THSD7A: variants seen among roughly 807,000 people sequenced by gnomAD.
The protein encoded by THSD7A is thrombospondin type-1 domain-containing protein 7A.
Under a neutral mutation model 231.3 loss-of-function variants are expected in THSD7A, and 96 were observed. The observed-to-expected ratio is 0.41, with a 90% CI of 0.35 to 0.49. The LOEUF is 0.49. THSD7A is among the 20% of genes least tolerant of loss of function. The pLI, the probability that THSD7A is intolerant of heterozygous loss-of-function variation, is 0.05. For synonymous variants in THSD7A, 940 were observed against 743.3 expected, an observed-to-expected ratio of 1.26 and a Z score of -4.30; for missense variants, 2,290 against 2,070.2, an observed-to-expected ratio of 1.11 and a Z score of -2.06.
At chr7:11,527,698 TA>T (rs1788536603) in intron 6 of THSD7A, among the ~76,000 whole-genome samples, 1 of 152,246 alleles carries the variant, frequency 6.6e-6, no homozygotes, top group Admixed American at 6.5e-5. Flanking sequence ...AATAGTTGGT[TA>T]GGGGTAAATT....
intron 2 of THSD7A, among the ~76,000 whole-genome samples, chr7:11,633,865 T>A (rs1584115536): frequency 6.6e-6 from 1 of 152,332 alleles, no homozygotes; most frequent in South Asian, 2.1e-4. Flanking sequence ...GTTACTATAA[T>A]GTAATTTTTA....
intron 4 of THSD7A, among the ~76,000 whole-genome samples, chr7:11,553,141 T>C (rs1789702078): frequency 6.6e-6 from 1 of 152,104 alleles, no homozygotes; most frequent in African/African-American, 2.4e-5. Flanking sequence ...CAAAGCCTTC[T>C]TGAGGTTTGC....
At chr7:11,415,696 C>T (rs1783935925) in intron 17 of THSD7A, among the ~76,000 whole-genome samples, 1 of 152,192 alleles carries the variant, frequency 6.6e-6, no homozygotes, top group Non-Finnish European at 1.5e-5. Flanking sequence ...TTCCTAAGTG[C>T]CTTCCCCCAT....
intron 1 of THSD7A, among the ~76,000 whole-genome samples, chr7:11,782,820 T>G (rs1177046052): frequency 6.6e-6 from 1 of 152,186 alleles, no homozygotes; most frequent in East Asian, 1.9e-4. Context: ...ATTTTTCAAA[T>G]TATTTTGGAA....
intron 1 of THSD7A, among the ~76,000 whole-genome samples, chr7:11,653,492 G>GTGTT (rs1782588086): frequency 7.0e-6 from 1 of 142,856 alleles, no homozygotes; most frequent in Non-Finnish European, 1.5e-5. Flanking sequence ...GTGTGTGTGT[G>GTGTT]TGTGTTTTCC....
rs1037364851 is a variant in THSD7A at position 11,371,048 on chromosome 7, C to T, written c.*4746G>A. ...TCTAAATAATATAGAGATTTTTGAT[C>T]ACTGAAAACATGACTCCCACAAACT... On this transcript the variant is annotated 3_prime_UTR_variant, in exon 28 of 28. Coordinates refer to ENST00000423059, the MANE Select transcript of THSD7A (RefSeq NM_015204.3). 1 of 152,116 alleles carries T rather than the reference C, an allele frequency of 6.6e-6. No homozygotes were observed. The highest frequency in any genetic ancestry group is 6.5e-5 in the Admixed American group (1 of 15,270). 9.4% of individuals were successfully genotyped at this position (152,116 alleles called of 1,614,324 possible).
At chr7:11,449,415 G>C (rs1048881934) in intron 11 of THSD7A, among the ~76,000 whole-genome samples, 1 of 151,964 alleles carries the variant, frequency 6.6e-6, no homozygotes, top group Admixed American at 6.6e-5. Flanking sequence ...GCAGATTCAA[G>C]TTTGAGACCC....
intron 11 of THSD7A, among the ~76,000 whole-genome samples, chr7:11,456,021 G>A (rs1371063879): frequency 6.6e-6 from 1 of 152,018 alleles, no homozygotes; most frequent in Admixed American, 6.6e-5. Flanking sequence ...AGGAGGCATG[G>A]CTAGTAAGGT....
chr7:11,722,399 A>G (rs923581159), intron 1 of THSD7A, among the ~76,000 whole-genome samples: 2 of 151,864 alleles, frequency 1.3e-5, no homozygotes, highest in Non-Finnish European at 2.9e-5. Flanking sequence ...CCTATGGATA[A>G]CATCAGTATT....
At chr7:11,566,969 G>GGGGGGGGGGGGGA (rs1554339262) in intron 4 of THSD7A, among the ~76,000 whole-genome samples, 1 of 84,148 alleles carries the variant, frequency 1.2e-5, no homozygotes, top group African/African-American at 5.8e-5. Context: ...GGAGAGTGGG[G>GGGGGGGGGGGGGA]GGGGGACTGA....
chr7:11,544,646 T>A (rs566123586), intron 4 of THSD7A, among the ~76,000 whole-genome samples: 72 of 152,350 alleles, frequency 4.7e-4, no homozygotes, highest in Non-Finnish European at 9.0e-4. Context: ...TTACATCCTA[T>A]AAGTTTTCAC....
intron 6 of THSD7A, among the ~76,000 whole-genome samples, chr7:11,539,861 C>T (rs955203195): frequency 6.6e-6 from 1 of 152,092 alleles, no homozygotes; most frequent in Non-Finnish European, 1.5e-5. Flanking sequence ...TTTCACAATA[C>T]CTGAGACCCT....
chr7:11,803,313 T>C (rs1466354550), intron 1 of THSD7A, among the ~76,000 whole-genome samples: 1 of 152,160 alleles, frequency 6.6e-6, no homozygotes, highest in Non-Finnish European at 1.5e-5. Context: ...TTAGAAAAAT[T>C]AACAATGTAA....
At chr7:11,541,739 T>A in intron 5 of THSD7A, 108 bp from the exon 6 acceptor site, 1 of 1,034,150 alleles carries the variant, frequency 9.7e-7, no homozygotes, top group Non-Finnish European at 1.4e-6. Flanking sequence ...GAGGTAGAAG[T>A]CATTTCTGTT....
intron 2 of THSD7A, among the ~76,000 whole-genome samples, chr7:11,606,858 C>A (rs1003778190): frequency 6.6e-6 from 1 of 151,804 alleles, no homozygotes; most frequent in Non-Finnish European, 1.5e-5. Flanking sequence ...GATAATTTGT[C>A]CCAAGAATGA....
chr7:11,681,007 A>G (rs535784975), intron 1 of THSD7A, among the ~76,000 whole-genome samples: 1 of 152,304 alleles, frequency 6.6e-6, no homozygotes, highest in South Asian at 2.1e-4. Context: ...TACACCATAG[A>G]ATAATATGCA....
rs144290016 is a variant in THSD7A at position 11,547,166 on chromosome 7, G to A, written c.1454-4049C>T. Among the ~76,000 whole-genome samples, 1,423 of 152,258 alleles carry A rather than the reference G, an allele frequency of 9.3e-3. 14 individuals carry two copies. Among genetic ancestry groups the A allele is most frequent in the Middle Eastern group, 0.017 (5 of 294 alleles). ...GGTCCTTAAGGGAGTGCTAAACATG[G>A]AAATGAAAGACTGTTACTGACCACC... is the stretch of plus-strand genomic sequence containing the variant. On this transcript the variant is annotated intron_variant, in intron 4 of 27. Coordinates refer to ENST00000423059, the MANE Select transcript of THSD7A (RefSeq NM_015204.3).
At chr7:11,549,036 A>T (rs1469070406) in intron 4 of THSD7A, among the ~76,000 whole-genome samples, 2 of 152,146 alleles carry the variant, frequency 1.3e-5, no homozygotes, top group Non-Finnish European at 2.9e-5. Context: ...CAGAATCTAC[A>T]AGGAACTTAA....
intron 3 of THSD7A, among the ~76,000 whole-genome samples, chr7:11,591,112 A>G (rs917221035): frequency 6.6e-6 from 1 of 152,056 alleles, no homozygotes; most frequent in Non-Finnish European, 1.5e-5. Flanking sequence ...GTTAAAAATT[A>G]TAAGACAATA....
Sources: allele counts gnomAD v4.1 joint callset (sites outside exome capture counted in the v4.1 genomes callset), GRCh38; gene constraint gnomAD v4.1.1; transcripts MANE v1.5; gene names NCBI Gene and HGNC (gene_info 2026-07-23, HGNC 2026-07-21).